Variants in COL28A1 observed in about 807,000 individuals in gnomAD.
COL28A1 encodes collagen alpha-1(XXVIII) chain.
In COL28A1, 161 loss-of-function variants were observed where a neutral mutation model predicts 150.2. The ratio of observed to expected loss-of-function variants is 1.07; its 90% CI spans 0.94 to 1.22. The LOEUF is 1.22. Ranked by LOEUF, COL28A1 falls within the 50% of genes most tolerant of loss-of-function variation. The pLI, the probability that COL28A1 is intolerant of heterozygous loss-of-function variation, is 0.00. For synonymous variants in COL28A1, 552 were observed against 469.7 expected, an observed-to-expected ratio of 1.18 and a Z score of -2.26; for missense variants, 1,617 against 1,388.3, an observed-to-expected ratio of 1.16 and a Z score of -2.62.
chr7:7,524,549 T>A (rs1397365480), intron 3 of COL28A1, among the ~76,000 whole-genome samples: 1 of 152,230 alleles, frequency 6.6e-6, no homozygotes, highest in Non-Finnish European at 1.5e-5. Context: ...TCTCCATAAT[T>A]TGACTATAAA....
At chr7:7,480,559 C>T (rs1789305197) in intron 13 of COL28A1, among the ~76,000 whole-genome samples, 1 of 152,108 alleles carries the variant, frequency 6.6e-6, no homozygotes, top group Non-Finnish European at 1.5e-5. Context: ...AAAGAAAACA[C>T]ATACTTTAAC....
chr7:7,361,042 C>A (rs1780626261), intron 33 of COL28A1, among the ~76,000 whole-genome samples: 2 of 152,070 alleles, frequency 1.3e-5, no homozygotes, highest in African/African-American at 4.8e-5. Context: ...GACAATAATA[C>A]AGCTGAAATA....
intron 33 of COL28A1, among the ~76,000 whole-genome samples, chr7:7,362,385 A>G (rs1780715304): frequency 6.6e-6 from 1 of 152,200 alleles, no homozygotes; most frequent in Non-Finnish European, 1.5e-5. Context: ...TTATTTAAAT[A>G]GTCAAATCTG....
intron 18 of COL28A1, 60 bp downstream of exon 18, chr7:7,452,259 G>A (rs535552919): frequency 1.3e-6 from 2 of 1,572,988 alleles, no homozygotes; most frequent in East Asian, 4.6e-5. Flanking sequence ...TGGATATAAA[G>A]GAAACCTTAT....
intron 27 of COL28A1, among the ~76,000 whole-genome samples, chr7:7,410,660 C>A (rs1554266528): frequency 6.8e-6 from 1 of 146,104 alleles, no homozygotes; most frequent in Admixed American, 6.8e-5. Context: ...TTTTTAAATG[C>A]TGTTGTTTAT....
chr7:7,401,256 G>C (rs1783189049), intron 27 of COL28A1, among the ~76,000 whole-genome samples: 1 of 151,782 alleles, frequency 6.6e-6, no homozygotes, highest in South Asian at 2.1e-4. Context: ...GAGGACCCAG[G>C]GCCCAGTCCT....
chr7:7,355,442 C>G (rs112117278), downstream of COL28A1, among the ~76,000 whole-genome samples: 253 of 151,916 alleles, frequency 1.7e-3, 1 homozygote, highest in African/African-American at 5.0e-3. Flanking sequence ...AAACCCCACT[C>G]CTACTAAAAA....
intron 25 of COL28A1, among the ~76,000 whole-genome samples, chr7:7,423,460 T>C (rs1343442899): frequency 1.3e-5 from 2 of 152,190 alleles, no homozygotes; most frequent in African/African-American, 2.4e-5. Flanking sequence ...TTTAAAGATA[T>C]TAAAACTGGG....
At chr7:7,362,270 T>G (rs1216134231) in intron 33 of COL28A1, among the ~76,000 whole-genome samples, 2 of 152,230 alleles carry the variant, frequency 1.3e-5, no homozygotes, top group Admixed American at 1.3e-4. Context: ...AAATTTTTCC[T>G]TGGATTCCAG....
At chr7:7,395,584 A>C (rs771371311) in intron 27 of COL28A1, among the ~76,000 whole-genome samples, 8 of 152,206 alleles carry the variant, frequency 5.3e-5, no homozygotes, top group African/African-American at 1.2e-4. Context: ...TACACATTAC[A>C]AACAAATGAA....
chr7:7,339,642 T>C, the COL28A1 span, among the ~76,000 whole-genome samples: 1 of 152,174 alleles, frequency 6.6e-6, no homozygotes, highest in East Asian at 1.9e-4. Flanking sequence ...ATTCATTCAT[T>C]TTCTTGCATA....
intron 27 of COL28A1, among the ~76,000 whole-genome samples, chr7:7,398,699 C>T (rs1782986296): frequency 6.6e-6 from 1 of 152,152 alleles, no homozygotes; most frequent in South Asian, 2.1e-4. Context: ...TCATGAATGC[C>T]TCACATGGCA....
chr7:7,511,513 T>C (rs1375810803), intron 8 of COL28A1: 3 of 278,652 alleles, frequency 1.1e-5, no homozygotes, highest in East Asian at 1.1e-4. Context: ...TATTTTATAA[T>C]TGAGAACATT....
chr7:7,390,746 C>T (rs552606805), intron 27 of COL28A1, among the ~76,000 whole-genome samples: 1 of 152,216 alleles, frequency 6.6e-6, no homozygotes, highest in African/African-American at 2.4e-5. Context: ...AGGAACTTAT[C>T]CATTTCTTCT....
intron 25 of COL28A1, among the ~76,000 whole-genome samples, chr7:7,425,508 G>A (rs896472449): frequency 3.3e-5 from 5 of 152,076 alleles, no homozygotes; most frequent in Admixed American, 6.6e-5. Context: ...AAGTCTTCCC[G>A]TCCCATTTTC....
chr7:7,350,683 T>C, the COL28A1 span, among the ~76,000 whole-genome samples: 2 of 141,274 alleles, frequency 1.4e-5, no homozygotes, highest in African/African-American at 5.3e-5. Context: ...TTAAAACCGC[T>C]GAAGGCAAGT....
At position 7,437,436 on chromosome 7, in the gene COL28A1, A is replaced by G; in HGVS notation, c.1749T>C (p.Phe583=). The G allele has an allele frequency of 6.2e-7, 1 of 1,613,582 alleles. No individual in the cohort carries two copies. The highest frequency in any genetic ancestry group is 8.5e-7 in the Non-Finnish European group (1 of 1,179,824). ...PKGEPGIMGP[F]GMPGTSIPGP... ...CAGGAATTGATGTTCCAGGCATTCC[A>G]AAAGGGCCCATAATGCCCGGTTCAC... is the stretch of plus-strand genomic sequence containing the variant. Residue 583 remains phenylalanine, a synonymous_variant, in exon 22 of 35, where the codon TTT becomes TTC. Transcript: ENST00000399429.
At chr7:7,526,327 T>G (rs1179279792) in intron 3 of COL28A1, among the ~76,000 whole-genome samples, 1 of 132,544 alleles carries the variant, frequency 7.5e-6, no homozygotes, top group African/African-American at 2.8e-5. Context: ...TACTCGGCAG[T>G]TAAAGTGAAT....
chr7:7,533,706 T>A (rs906478115), intron 1 of COL28A1, among the ~76,000 whole-genome samples: 5 of 152,146 alleles, frequency 3.3e-5, no homozygotes, highest in Non-Finnish European at 7.4e-5. Context: ...AAAAATCTAA[T>A]TCTGTATTAA....
Sources: allele counts gnomAD v4.1 joint callset (sites outside exome capture counted in the v4.1 genomes callset), GRCh38; gene constraint gnomAD v4.1.1; transcripts MANE v1.5; gene names NCBI Gene and HGNC (gene_info 2026-07-23, HGNC 2026-07-21).